The following NCOR1 variants were observed in gnomAD, a reference collection of about 807,000 sequenced individuals.
NCOR1 encodes protein phosphatase 1, regulatory subunit 109.
Under a neutral mutation model 288.1 loss-of-function variants are expected in NCOR1, and 63 were observed. The ratio of observed to expected loss-of-function variants is 0.22; its 90% confidence interval spans 0.18 to 0.27. The LOEUF is 0.27. NCOR1 is among the 10% of genes least tolerant of loss of function. NCOR1 has a pLI of 1.00. For missense variants in NCOR1, 2,397 were observed against 3,019.2 expected (o/e 0.79, Z 4.83); for synonymous variants, 1,007 against 1,065.9 (o/e 0.94, Z 1.08).
intron 11 of NCOR1, among the ~76,000 whole-genome samples, chr17:16,140,430 A>T (rs2076985505): frequency 6.6e-6 from 1 of 152,222 alleles, no homozygotes; most frequent in African/African-American, 2.4e-5. Context: ...TTTGGAGGCC[A>T]AGGCAGAAGG....
At chr17:16,194,394 G>T in intron 2 of NCOR1, 68 bp downstream of exon 2, 1 of 1,037,116 alleles carries the variant, frequency 9.6e-7, no homozygotes, top group East Asian at 2.6e-5. Flanking sequence ...TCCCACATGT[G>T]TATTAAATAG....
chr17:16,097,224 A>C (rs1297550438), intron 21 of NCOR1, among the ~76,000 whole-genome samples: 1 of 152,230 alleles, frequency 6.6e-6, no homozygotes, highest in Non-Finnish European at 1.5e-5. Flanking sequence ...ACAGCCCAAA[A>C]AACCACAAGG....
intron 1 of NCOR1, among the ~76,000 whole-genome samples, chr17:16,203,796 C>A (rs2091166411): frequency 6.6e-6 from 1 of 152,056 alleles, no homozygotes; most frequent in Non-Finnish European, 1.5e-5. Flanking sequence ...TTATTTGAAG[C>A]AAAGTGTGAA....
intron 3 of NCOR1, among the ~76,000 whole-genome samples, chr17:16,176,735 T>C (rs947724327): frequency 1.3e-5 from 2 of 152,126 alleles, no homozygotes; most frequent in African/African-American, 2.4e-5. Flanking sequence ...AATTCTGCTA[T>C]GTAGAAGTTT....
At chr17:16,074,970 C>T (rs986703669) in intron 27 of NCOR1, among the ~76,000 whole-genome samples, 1 of 152,166 alleles carries the variant, frequency 6.6e-6, no homozygotes, top group African/African-American at 2.4e-5. Context: ...CGGGTTCACG[C>T]CATTCTCCTG....
At chr17:16,083,581 T>C (rs536441927) in intron 23 of NCOR1, among the ~76,000 whole-genome samples, 187 of 150,060 alleles carry the variant, frequency 1.2e-3, no homozygotes, top group Non-Finnish European at 2.0e-3. Context: ...GGGTGGTTCA[T>C]GGTTTTTTTT....
intron 6 of NCOR1, among the ~76,000 whole-genome samples, chr17:16,157,777 T>C (rs146602104): frequency 5.3e-5 from 8 of 151,246 alleles, no homozygotes; most frequent in Middle Eastern, 3.4e-3. Flanking sequence ...ACTTTCTTCA[T>C]GTTGAGGTAA....
At chr17:16,083,123 C>T (rs2063649680) in intron 23 of NCOR1, among the ~76,000 whole-genome samples, 1 of 151,938 alleles carries the variant, frequency 6.6e-6, no homozygotes, top group Admixed American at 6.6e-5. Flanking sequence ...GTCCCAGCTA[C>T]TTGGGAGGCT....
intron 4 of NCOR1, among the ~76,000 whole-genome samples, chr17:16,165,760 T>C (rs370711318): frequency 1.3e-5 from 2 of 152,162 alleles, no homozygotes; most frequent in African/African-American, 2.4e-5. Context: ...AAACATCCCA[T>C]TGTGCCTCCA....
chr17:16,064,990 T>C lies in NCOR1; in HGVS notation c.4981A>G (p.Thr1661Ala), dbSNP rs537232238. Reference protein sequence around the residue: ...GIIDLTNMPPTILVPHPGGTS... With the variant: ...GIIDLTNMPPAILVPHPGGTS... ...CCCCCTGGATGAGGCACTAAAATTGTTGGAGGCATATTGGTCAGGTCAATG... is the reference window on the plus strand; with the variant it reads ...CCCCCTGGATGAGGCACTAAAATTGCTGGAGGCATATTGGTCAGGTCAATG... The change falls in exon 34 of 46, where the codon ACA becomes GCA. Residue 1661 changes from threonine (T) to alanine (A), a missense_variant. Thr to Ala is a moderately conservative substitution (Grantham distance 58). Transcript: ENST00000268712. 1.7e-5 allele frequency: 27 copies of C among 1,614,060 alleles called. No homozygotes were observed. The highest frequency in any genetic ancestry group is 3.3e-4 in the Middle Eastern group (2 of 6,062).
At chr17:16,189,138 A>T (rs996079964) in intron 2 of NCOR1, among the ~76,000 whole-genome samples, 1 of 145,950 alleles carries the variant, frequency 6.9e-6, no homozygotes, top group Non-Finnish European at 1.5e-5. Context: ...TCACACCTGT[A>T]ATCTTAGCAC....
rs141632943 is a variant in NCOR1 at position 16,122,684 on chromosome 17, T to A, written c.1635-1415A>T. ...AAGTGTCTCACTCCGTCACCCAGGC[T>A]GAAGAGCAGTGGCGCGAACACAGCT... is the stretch of plus-strand genomic sequence containing the variant. On this transcript the variant is annotated intron_variant, in intron 15 of 45. Coordinates refer to ENST00000268712, the MANE Select transcript of NCOR1 (RefSeq NM_006311.4). The A allele has an allele frequency of 2.0e-4, 30 of 152,440 alleles. 1 individual carries two copies. Among genetic ancestry groups the A allele is most frequent in the African/African-American group, 7.0e-4 (29 of 41,574 alleles). The allele number at this position is 152,440 out of a possible 1,614,324, so 9.4% of individuals were successfully genotyped here.
At position 16,094,263 on chromosome 17, in the gene NCOR1, A is replaced by G. The variant is rs996005130; in HGVS notation, c.2821-2205T>C. Among the ~76,000 whole-genome samples the G allele has an allele frequency of 2.6e-5, 4 of 152,092 alleles. No homozygotes were observed. In the South Asian group the frequency reaches 8.3e-4, roughly 32 times the overall value. ...TTTTTGAAATCAGAGGCTATAATATATAAATACTCTCCACAATATTAAGAA... is the reference window on the plus strand; with the variant it reads ...TTTTTGAAATCAGAGGCTATAATATGTAAATACTCTCCACAATATTAAGAA... On this transcript the variant is annotated intron_variant, in intron 21 of 45. Coordinates refer to ENST00000268712, the MANE Select transcript of NCOR1 (RefSeq NM_006311.4).
intron 3 of NCOR1, among the ~76,000 whole-genome samples, chr17:16,183,149 A>G (rs1341627509): frequency 6.6e-6 from 1 of 150,606 alleles, no homozygotes; most frequent in African/African-American, 2.4e-5. Flanking sequence ...TCCTTTTCCC[A>G]TCTAGTACTA....
At chr17:16,196,681 A>G (rs1409620978) in intron 1 of NCOR1, among the ~76,000 whole-genome samples, 1 of 151,562 alleles carries the variant, frequency 6.6e-6, no homozygotes, top group Non-Finnish European at 1.5e-5. Context: ...AAAAAGTAGC[A>G]GGGCGTGGTG....
At position 16,058,611 on chromosome 17, in the gene NCOR1, G is replaced by T. The variant is rs771911193; in HGVS notation, c.5882-12C>A. On this transcript the variant is annotated splice_polypyrimidine_tract_variant and intron_variant, in intron 37 of 45. Transcript: ENST00000268712. ...CCTGTGAGAAGATACTTTAAGAAAAGAAAATCTTATTTCAAAACTAATCCC... is the reference window on the plus strand; with the variant it reads ...CCTGTGAGAAGATACTTTAAGAAAATAAAATCTTATTTCAAAACTAATCCC... The T allele has an allele frequency of 6.3e-7, 1 of 1,583,320 alleles. No homozygotes were observed. The highest frequency in any genetic ancestry group is 8.6e-7 in the Non-Finnish European group (1 of 1,164,508).
intron 6 of NCOR1, 21 bp from the exon 7 acceptor site, chr17:16,153,416 G>C: frequency 2.7e-6 from 4 of 1,498,794 alleles, no homozygotes; most frequent in Non-Finnish European, 3.6e-6. Context: ...AGACATTGTT[G>C]TATCATATAA....
At chr17:16,179,972 A>C (rs1211784463) in intron 3 of NCOR1, among the ~76,000 whole-genome samples, 4 of 151,656 alleles carry the variant, frequency 2.6e-5, no homozygotes, top group Non-Finnish European at 5.9e-5. Context: ...AAAAAAAAAA[A>C]AAAAAAACAA....
chr17:16,115,209 C>A (rs2071334075), intron 18 of NCOR1, among the ~76,000 whole-genome samples: 1 of 152,158 alleles, frequency 6.6e-6, no homozygotes, highest in African/African-American at 2.4e-5. Flanking sequence ...GTGCAGAGCA[C>A]CAAGTCCCTG....
Sources: allele counts gnomAD v4.1 joint callset (sites outside exome capture counted in the v4.1 genomes callset), GRCh38; gene constraint gnomAD v4.1.1; transcripts MANE v1.5; gene names NCBI Gene and HGNC (gene_info 2026-07-23, HGNC 2026-07-21).